BOLL: variants seen among roughly 807,000 people sequenced by gnomAD.
The protein encoded by BOLL is boule RNA binding protein.
BOLL carries 23 observed loss-of-function variants against 44.4 expected under a neutral mutation model. That is an observed-to-expected ratio of 0.52 (90% CI 0.37 to 0.73). The LOEUF is 0.73. Among genes scored for constraint, BOLL ranks in the 30% least tolerant of loss-of-function variants. The pLI, the probability that BOLL is intolerant of heterozygous loss-of-function variation, is 0.00. For synonymous variants in BOLL, 97 were observed against 110.8 expected, an observed-to-expected ratio of 0.88 and a Z score of 0.78; for missense variants, 287 against 338.3, an observed-to-expected ratio of 0.85 and a Z score of 1.19.
At chr2:197,785,606 C>G (rs544183678), upstream of BOLL, among the ~76,000 whole-genome samples, 1 of 152,308 alleles carries the variant, frequency 6.6e-6, no homozygotes, top group East Asian at 1.9e-4. This position sits in a 1 kb window ranked among gnomAD's most constrained non-coding sequence, Gnocchi z 6.7. Flanking sequence ...GCGGCTGGGT[C>G]GAGTTCGGCC....
intron 8 of BOLL, 93 bp downstream of exon 8, chr2:197,757,260 T>A: frequency 9.7e-7 from 1 of 1,026,632 alleles, no homozygotes. Flanking sequence ...AAGAAGAAGG[T>A]CTCAAATCTA....
At chr2:197,773,221 A>G (rs1415325429) in intron 5 of BOLL, among the ~76,000 whole-genome samples, 1 of 151,926 alleles carries the variant, frequency 6.6e-6, no homozygotes, top group Non-Finnish European at 1.5e-5. Context: ...CCCAAAAGAT[A>G]TTCCACTATT....
chr2:197,767,783 T>A (rs1689060079), intron 6 of BOLL, among the ~76,000 whole-genome samples: 1 of 152,004 alleles, frequency 6.6e-6, no homozygotes, highest in South Asian at 2.1e-4. Context: ...ATTGAGAAAG[T>A]CTGGTTAAGA....
chr2:197,729,115 C>T (rs537254326), intron 10 of BOLL, among the ~76,000 whole-genome samples: 2,355 of 152,230 alleles, frequency 0.015, 49 homozygotes, highest in African/African-American at 0.054. Context: ...TCAGTGGGTG[C>T]GTGCACCGTG....
chr2:197,778,893 C>A, intron 3 of BOLL, 82 bp downstream of exon 3: 1 of 1,216,210 alleles, frequency 8.2e-7, no homozygotes, highest in Non-Finnish European at 1.2e-6. Context: ...AAAATGGAAC[C>A]AAAGTAAACT....
intron 6 of BOLL, among the ~76,000 whole-genome samples, chr2:197,770,813 A>C (rs999503266): frequency 3.9e-5 from 6 of 152,198 alleles, no homozygotes; most frequent in African/African-American, 1.4e-4. Context: ...ATCTCACATC[A>C]GTTAGAATGG....
intron 5 of BOLL, chr2:197,774,020 G>A (rs1309950129): frequency 4.3e-6 from 2 of 461,702 alleles, no homozygotes; most frequent in Non-Finnish European, 9.0e-6. Flanking sequence ...TCGCAGAAAA[G>A]TCAAAAGAAC....
chr2:197,779,036 A>C lies in BOLL; in HGVS notation c.160T>G (p.Ser54Ala). Residue 54 changes from serine (S) to alanine (A), a missense_variant, in exon 3 of 11, where the codon TCC becomes GCC. Transcript: ENST00000392296. ...ACTTCTTTCACAGACCCATACTGGG[A>C]AAAAAATTTTCTTAAATCACTTTCG... ...TNESDLRKFF[S>A]QYGSVKEVKI... The C allele has an allele frequency of 6.2e-7, 1 of 1,610,558 alleles. No homozygotes were observed. Among genetic ancestry groups the C allele is most frequent in the Non-Finnish European group, 8.5e-7 (1 of 1,178,088 alleles).
rs1247935778 is a variant in BOLL, at chr2:197,785,316, A to T, written c.-276T>A. On this transcript the variant is annotated 5_prime_UTR_variant, in exon 1 of 11. Transcript: ENST00000392296. This position sits in a 1 kb window ranked among gnomAD's most constrained non-coding sequence, Gnocchi z 6.7. ...CGACCCCGCCGCTGGCCTCGTGCGC[A>T]GCTGGTCCCCACCCTCGCGCGGCGC... 1 of 985,560 alleles carries T rather than the reference A, an allele frequency of 1.0e-6. No homozygotes were observed. Among genetic ancestry groups the T allele is most frequent in the Non-Finnish European group, 1.2e-6 (1 of 829,950 alleles). The allele number at this position is 985,560 out of a possible 1,614,324, so 61.1% of individuals were successfully genotyped here. A position where few individuals can be genotyped will look rare whatever the true frequency, so the allele number is the denominator to read the frequency against.
intron 10 of BOLL, among the ~76,000 whole-genome samples, chr2:197,734,716 A>G (rs925599263): frequency 5.3e-5 from 8 of 152,142 alleles, no homozygotes; most frequent in African/African-American, 1.9e-4. Context: ...AGGACAAAAA[A>G]CCAAACACCG....
chr2:197,728,206 A>C lies in BOLL; in HGVS notation c.*349T>G. The C allele has an allele frequency of 2.6e-6, 1 of 387,668 alleles. No homozygotes were observed. Among genetic ancestry groups the C allele is most frequent in the Non-Finnish European group, 4.6e-6 (1 of 219,090 alleles). The allele number at this position is 387,668 out of a possible 1,614,324, so 24.0% of individuals were successfully genotyped here. On this transcript the variant is annotated 3_prime_UTR_variant, in exon 11 of 11. Transcript: ENST00000392296. ...AAACATAACATCTAATTGTTTGATA[A>C]GAAAAAATAACACAAAGCAGAGAAA... is the stretch of plus-strand genomic sequence containing the variant.
At chr2:197,734,784 GA>G (rs921768283) in intron 10 of BOLL, among the ~76,000 whole-genome samples, 1 of 152,196 alleles carries the variant, frequency 6.6e-6, no homozygotes, top group African/African-American at 2.4e-5. Context: ...ACAGGAAGGG[GA>G]ATATCACACA....
chr2:197,739,650 T>C (rs1687649585), intron 10 of BOLL, among the ~76,000 whole-genome samples: 1 of 152,164 alleles, frequency 6.6e-6, no homozygotes, highest in African/African-American at 2.4e-5. Context: ...TATATGACTA[T>C]ATTAAAGAGT....
At chr2:197,763,794 C>T (rs1051616175) in intron 7 of BOLL, among the ~76,000 whole-genome samples, 1 of 152,108 alleles carries the variant, frequency 6.6e-6, no homozygotes, top group African/African-American at 2.4e-5. Flanking sequence ...TTATCTGACA[C>T]AGAATTAATA....
Position 197,728,546 on chromosome 2 carries a change from C to G in BOLL, c.*9G>C. 1 of 1,613,482 alleles carries G rather than the reference C, an allele frequency of 6.2e-7. No homozygotes were observed. Among genetic ancestry groups the G allele is most frequent in the Non-Finnish European group, 8.5e-7 (1 of 1,179,620 alleles). ...ATCAGTTGAGCTGGAATAGAGCTGC[C>G]CAATTGTCTTAATAATGAATGCTCC... On this transcript the variant is annotated 3_prime_UTR_variant, in exon 11 of 11. Coordinates refer to ENST00000392296, the MANE Select transcript of BOLL (RefSeq NM_033030.6).
intron 10 of BOLL, among the ~76,000 whole-genome samples, chr2:197,740,127 C>T (rs771917573): frequency 2.9e-4 from 44 of 151,960 alleles, no homozygotes; most frequent in African/African-American, 1.0e-3. Context: ...GTGATAAAGC[C>T]AATGAAGGGA....
At chr2:197,761,496 A>G (rs1688754928) in intron 7 of BOLL, among the ~76,000 whole-genome samples, 1 of 152,224 alleles carries the variant, frequency 6.6e-6, no homozygotes, top group Non-Finnish European at 1.5e-5. Context: ...TTATAATTAC[A>G]GAGAACCCAG....
At chr2:197,751,981 C>T (rs1688281146) in intron 9 of BOLL, among the ~76,000 whole-genome samples, 1 of 152,168 alleles carries the variant, frequency 6.6e-6, no homozygotes, top group Admixed American at 6.6e-5. Flanking sequence ...CCCTGGGATG[C>T]AAGGCTGGTT....
intron 2 of BOLL, 104 bp from the exon 3 acceptor site, chr2:197,779,170 T>C: frequency 1.3e-6 from 1 of 775,348 alleles, no homozygotes; most frequent in Non-Finnish European, 2.0e-6. Context: ...ATAAGATGCA[T>C]GAAAAATGCC....
Sources: allele counts gnomAD v4.1 joint callset (sites outside exome capture counted in the v4.1 genomes callset), GRCh38; gene constraint gnomAD v4.1.1; non-coding constraint Gnocchi (gnomAD v3.1); transcripts MANE v1.5; gene names NCBI Gene and HGNC (gene_info 2026-07-23, HGNC 2026-07-21).